Variants in ADAMTS16 observed in about 807,000 individuals in gnomAD.
ADAMTS16 encodes A disintegrin and metalloproteinase with thrombospondin motifs 16.
In ADAMTS16, 94 loss-of-function variants were observed where a neutral mutation model predicts 145.8. That is an observed-to-expected ratio of 0.64 (90% CI 0.55 to 0.77). The LOEUF (loss-of-function observed/expected upper bound fraction) is 0.77. ADAMTS16 is among the 30% of genes least tolerant of loss of function. ADAMTS16 has a pLI of 0.00. For synonymous variants in ADAMTS16, 659 were observed against 604.3 expected (o/e 1.09, Z -1.33); for missense variants, 1,585 against 1,591.5 (o/e 1.00, Z 0.07).
rs1012103764 is a variant in ADAMTS16 at position 5,319,587 on chromosome 5, G to A, written c.*449G>A. On this transcript the variant is annotated 3_prime_UTR_variant, in exon 23 of 23. Transcript: ENST00000274181. Reference sequence around the variant, plus strand: ...TCACCAGCCTCCCCTCCCACTAGGAGGGCCCCTCGAGCCATCAGGAGTGAC... The same window carrying A: ...TCACCAGCCTCCCCTCCCACTAGGAAGGCCCCTCGAGCCATCAGGAGTGAC... The A allele has an allele frequency of 3.4e-6, 1 of 296,982 alleles. No homozygotes were observed. Among genetic ancestry groups the A allele is most frequent in the African/African-American group, 2.3e-5 (1 of 44,352 alleles). 18.4% of individuals were successfully genotyped at this position (296,982 alleles called of 1,614,324 possible). A position where few individuals can be genotyped will look rare whatever the true frequency, so the allele number is the denominator to read the frequency against.
intron 11 of ADAMTS16, among the ~76,000 whole-genome samples, chr5:5,230,474 C>G (rs907714182): frequency 5.9e-5 from 9 of 152,036 alleles, no homozygotes; most frequent in Admixed American, 2.6e-4. Context: ...AGTGAAAGAG[C>G]TTCGAAGAAA....
At chr5:5,304,604 C>T (rs898058849) in intron 20 of ADAMTS16, among the ~76,000 whole-genome samples, 3 of 152,076 alleles carry the variant, frequency 2.0e-5, no homozygotes, top group Non-Finnish European at 4.4e-5. Flanking sequence ...TCAGGCACTG[C>T]GTTTTCTCCA....
chr5:5,256,847 A>C (rs1579346812), intron 17 of ADAMTS16, among the ~76,000 whole-genome samples: 1 of 152,228 alleles, frequency 6.6e-6, no homozygotes, highest in East Asian at 1.9e-4. Flanking sequence ...AAAAGCCGTA[A>C]GAGTTTGGTT....
chr5:5,319,515 G>GA lies in ADAMTS16; in HGVS notation c.*380dup, dbSNP rs1316410917. ...ATGTCTGGTGCCTTAGAAAAAGAAG[G>GA]AAAGGCCATGAAATAAGGAAAACAT... is the stretch of plus-strand genomic sequence containing the variant. On this transcript the variant is annotated 3_prime_UTR_variant, in exon 23 of 23. Transcript: ENST00000274181. 7 of 291,980 alleles carry GA rather than the reference G, an allele frequency of 2.4e-5. No homozygotes were observed. The highest frequency in any genetic ancestry group is 2.4e-4 in the South Asian group (7 of 29,402). 18.1% of individuals were successfully genotyped at this position (291,980 alleles called of 1,614,324 possible).
chr5:5,227,627 TG>T (rs1467753378), intron 11 of ADAMTS16, among the ~76,000 whole-genome samples: 1 of 152,154 alleles, frequency 6.6e-6, no homozygotes, highest in Non-Finnish European at 1.5e-5. Flanking sequence ...AAAATTTTTT[TG>T]TTTTAATACT....
intron 18 of ADAMTS16, among the ~76,000 whole-genome samples, chr5:5,263,252 G>T (rs1389290186): frequency 6.6e-6 from 1 of 152,174 alleles, no homozygotes; most frequent in African/African-American, 2.4e-5. Flanking sequence ...CAGGGCTCTT[G>T]TCATCCACTC....
At chr5:5,206,409 G>C (rs1217626529) in intron 9 of ADAMTS16, among the ~76,000 whole-genome samples, 14 of 77,272 alleles carry the variant, frequency 1.8e-4, no homozygotes, top group Admixed American at 1.1e-3. Context: ...CTGGGCGACA[G>C]AGCGAGACTC....
chr5:5,180,302 G>A (rs1377200091), intron 3 of ADAMTS16, among the ~76,000 whole-genome samples: 1 of 152,112 alleles, frequency 6.6e-6, no homozygotes. Flanking sequence ...CAGTATTGCA[G>A]AGCTCTAAAT....
intron 3 of ADAMTS16, among the ~76,000 whole-genome samples, chr5:5,160,751 A>G (rs1734720088): frequency 8.9e-6 from 1 of 112,320 alleles, no homozygotes; most frequent in Non-Finnish European, 1.8e-5. Context: ...AAACTTAAAA[A>G]TATACCAAAA....
chr5:5,213,846 C>A (rs1736342131), intron 10 of ADAMTS16, among the ~76,000 whole-genome samples: 1 of 152,202 alleles, frequency 6.6e-6, no homozygotes, highest in African/African-American at 2.4e-5. Context: ...GCTAGGACAC[C>A]TGGAATCTCC....
At chr5:5,249,250 C>A (rs112894197) in intron 17 of ADAMTS16, among the ~76,000 whole-genome samples, 5,628 of 152,194 alleles carry the variant, frequency 0.037, 112 homozygotes, top group Middle Eastern at 0.058. Context: ...CAAGAAAAAC[C>A]CTTTGAAAAC....
chr5:5,186,315 T>G (rs1044065071), intron 5 of ADAMTS16, 64 bp downstream of exon 5: 2 of 1,333,528 alleles, frequency 1.5e-6, no homozygotes, highest in African/African-American at 2.9e-5. Context: ...TGTGTGTGTG[T>G]GTGTGTGTGT....
At chr5:5,155,297 T>C (rs1269966636) in intron 3 of ADAMTS16, among the ~76,000 whole-genome samples, 1 of 152,124 alleles carries the variant, frequency 6.6e-6, no homozygotes. Context: ...ACTCGCCCAG[T>C]CCCTGTTTCA....
At chr5:5,316,882 G>A (rs1056706132) in intron 21 of ADAMTS16, among the ~76,000 whole-genome samples, 13 of 152,328 alleles carry the variant, frequency 8.5e-5, no homozygotes, top group Admixed American at 4.6e-4. Flanking sequence ...TAGGCTCAGA[G>A]AACAAGCCTG....
At chr5:5,246,237 C>T (rs1405441995) in intron 17 of ADAMTS16, among the ~76,000 whole-genome samples, 1 of 152,200 alleles carries the variant, frequency 6.6e-6, no homozygotes, top group Non-Finnish European at 1.5e-5. Context: ...TAAAATTTGA[C>T]CTGTGTCTTA....
intron 18 of ADAMTS16, among the ~76,000 whole-genome samples, chr5:5,285,816 T>C (rs1739082072): frequency 6.6e-6 from 1 of 152,198 alleles, no homozygotes; most frequent in African/African-American, 2.4e-5. Flanking sequence ...AACCATATAT[T>C]AGATATCTGC....
chr5:5,204,123 G>A (rs181097772), intron 9 of ADAMTS16, among the ~76,000 whole-genome samples: 1 of 152,222 alleles, frequency 6.6e-6, no homozygotes, highest in East Asian at 1.9e-4. Flanking sequence ...TCTTGTTCAC[G>A]CATGTCTGGG....
At chr5:5,162,998 G>A (rs1344722015) in intron 3 of ADAMTS16, among the ~76,000 whole-genome samples, 1 of 152,104 alleles carries the variant, frequency 6.6e-6, no homozygotes, top group African/African-American at 2.4e-5. Context: ...ATTTAATGTG[G>A]CCAAGCCAAA....
chr5:5,173,534 C>T (rs772532586), intron 3 of ADAMTS16, among the ~76,000 whole-genome samples: 20 of 151,516 alleles, frequency 1.3e-4, no homozygotes, highest in East Asian at 3.9e-4. Flanking sequence ...AGTGCAGTGG[C>T]GTGATCTCGG....
Sources: gnomAD v4.1 joint callset for allele counts (sites outside exome capture counted in the v4.1 genomes callset) on GRCh38, gnomAD v4.1.1 for gene constraint, MANE v1.5 for transcripts, NCBI Gene and HGNC (gene_info 2026-07-23, HGNC 2026-07-21) for gene names.